The following CSMD1 variants were observed in gnomAD, a reference collection of about 807,000 sequenced individuals.
CSMD1 encodes the protein CUB and Sushi multiple domains 1.
Under a neutral mutation model 417.5 loss-of-function variants are expected in CSMD1, and 213 were observed. The ratio of observed to expected loss-of-function variants is 0.51; its 90% CI spans 0.46 to 0.57. The LOEUF (loss-of-function observed/expected upper bound fraction) is 0.57, where lower values mean the gene tolerates loss of function less well. Ranked by LOEUF, CSMD1 falls within the 20% of genes least tolerant of loss-of-function variation. The pLI is 0.00. For synonymous variants in CSMD1, 2,862 were observed against 1,736.8 expected (o/e 1.65, Z -16.11); for missense variants, 6,923 against 4,529.7 (o/e 1.53, Z -15.17).
intron 26 of CSMD1, among the ~76,000 whole-genome samples, chr8:3,248,036 G>A (rs949834697): frequency 3.3e-5 from 5 of 152,096 alleles, no homozygotes; most frequent in African/African-American, 1.2e-4. Context: ...ACTCAAGCAT[G>A]AACAACACCG....
rs574773160 is a variant in CSMD1, at chr8:4,868,083, G to A, written c.85+126249C>T. Reference sequence around the variant, plus strand: ...CTTTGTCTCTTATTTACTGGAAAAAGCAATTTAAAACGACCTCTCACCAAA... The same window carrying A: ...CTTTGTCTCTTATTTACTGGAAAAAACAATTTAAAACGACCTCTCACCAAA... On this transcript the variant is annotated intron_variant, in intron 1 of 69. Transcript: ENST00000635120. Among the ~76,000 whole-genome samples, 102 of 152,086 alleles carry A rather than the reference G, an allele frequency of 6.7e-4. 3 individuals are homozygous for A. Among genetic ancestry groups the A allele is most frequent in the African/African-American group, 2.3e-3 (97 of 41,418 alleles).
intron 9 of CSMD1, among the ~76,000 whole-genome samples, chr8:3,577,332 C>T (rs1181113232): frequency 6.6e-6 from 1 of 152,224 alleles, no homozygotes; most frequent in Non-Finnish European, 1.5e-5. Context: ...TACCAAGTTT[C>T]ACACAAAGCA....
chr8:4,665,501 C>T (rs1374915214), intron 1 of CSMD1, among the ~76,000 whole-genome samples: 2 of 152,208 alleles, frequency 1.3e-5, no homozygotes, highest in Non-Finnish European at 2.9e-5. Context: ...GATCCTCTTG[C>T]TCCTCTGTGG....
intron 5 of CSMD1, among the ~76,000 whole-genome samples, chr8:3,951,677 T>G (rs570502782): frequency 7.9e-5 from 12 of 152,258 alleles, no homozygotes; most frequent in South Asian, 6.2e-4. Context: ...AAATAAACAT[T>G]TGCAGATATT....
chr8:3,993,343 T>A, intron 5 of CSMD1, among the ~76,000 whole-genome samples: 1 of 152,192 alleles, frequency 6.6e-6, no homozygotes, highest in East Asian at 1.9e-4. Context: ...ACTCAGCATG[T>A]TCCTCTATAA....
intron 6 of CSMD1, among the ~76,000 whole-genome samples, chr8:3,729,372 C>T (rs981863918): frequency 6.6e-6 from 1 of 152,192 alleles, no homozygotes; most frequent in Admixed American, 6.5e-5. Flanking sequence ...ACTCACTCGC[C>T]TTGGGCTCAG....
intron 12 of CSMD1, among the ~76,000 whole-genome samples, chr8:3,415,037 C>A (rs574212177): frequency 2.0e-5 from 3 of 152,292 alleles, no homozygotes; most frequent in Admixed American, 6.5e-5. Context: ...TCAGAGTCAA[C>A]ACACAACAGA....
chr8:3,830,743 A>C (rs1802330098), intron 5 of CSMD1, among the ~76,000 whole-genome samples: 1 of 152,198 alleles, frequency 6.6e-6, no homozygotes, highest in African/African-American at 2.4e-5. Context: ...AAATATAATA[A>C]TTATTCAAAA....
chr8:3,381,433 T>C (rs1180744664), intron 18 of CSMD1, among the ~76,000 whole-genome samples: 1 of 152,202 alleles, frequency 6.6e-6, no homozygotes, highest in Non-Finnish European at 1.5e-5. Flanking sequence ...ATTGATACAA[T>C]TAACTTATTC....
At chr8:4,960,332 A>T (rs1809394325) in intron 1 of CSMD1, among the ~76,000 whole-genome samples, 1 of 152,196 alleles carries the variant, frequency 6.6e-6, no homozygotes, top group African/African-American at 2.4e-5. Flanking sequence ...TAATGTTCTG[A>T]CATCTTACTT....
chr8:3,916,663 T>C (rs1808850699), intron 5 of CSMD1, among the ~76,000 whole-genome samples: 1 of 152,192 alleles, frequency 6.6e-6, no homozygotes, highest in Admixed American at 6.5e-5. Context: ...CCCGGATGTA[T>C]TCATCACCTG....
intron 5 of CSMD1, among the ~76,000 whole-genome samples, chr8:3,760,051 G>A (rs1019818578): frequency 6.6e-6 from 1 of 152,122 alleles, no homozygotes. Context: ...ATCAAACGGA[G>A]CTTGCCAGGT....
intron 7 of CSMD1, among the ~76,000 whole-genome samples, chr8:3,679,869 G>C (rs867877151): frequency 6.6e-5 from 10 of 152,194 alleles, no homozygotes; most frequent in Middle Eastern, 3.4e-3. Flanking sequence ...CAAGAACTCA[G>C]GATTAAGAAA....
chr8:3,571,209 T>C (rs1234475168), intron 10 of CSMD1, among the ~76,000 whole-genome samples: 3 of 152,174 alleles, frequency 2.0e-5, no homozygotes, highest in Non-Finnish European at 4.4e-5. Flanking sequence ...ATATTCTGCT[T>C]TCTGCATGCT....
intron 7 of CSMD1, among the ~76,000 whole-genome samples, chr8:3,655,696 G>A (rs554115477): frequency 1.4e-5 from 2 of 144,482 alleles, no homozygotes; most frequent in East Asian, 2.1e-4. Flanking sequence ...TTCCACTGCT[G>A]TATATCCACC....
intron 1 of CSMD1, among the ~76,000 whole-genome samples, chr8:4,857,228 G>C (rs1026440177): frequency 6.7e-6 from 1 of 148,714 alleles, no homozygotes; most frequent in African/African-American, 2.5e-5. Context: ...CGAGAACAAA[G>C]ACACAACATA....
intron 2 of CSMD1, among the ~76,000 whole-genome samples, chr8:4,434,577 G>A (rs778786183): frequency 1.3e-5 from 2 of 152,160 alleles, no homozygotes; most frequent in Non-Finnish European, 2.9e-5. Flanking sequence ...GGAGGAGGAA[G>A]TTCATGTTAC....
Position 4,529,943 on chromosome 8 carries a change from C to G in CSMD1, c.302+107399G>C, listed in dbSNP as rs530521379. Among the ~76,000 whole-genome samples the G allele has an allele frequency of 1.0e-3, 151 of 150,700 alleles. 1 individual carries two copies. The highest frequency in any genetic ancestry group is 3.5e-3 in the African/African-American group (145 of 40,984). The stretch of plus-strand genomic sequence containing the variant: ...TTTGTTTGTCTGTTTGAGACCGAGT[C>G]TCGATTTGTCACCCAGGCTGGAGTG... On this transcript the variant is annotated intron_variant, in intron 2 of 69. Transcript: ENST00000635120.
intron 1 of CSMD1, among the ~76,000 whole-genome samples, chr8:4,950,322 A>G (rs1241200033): frequency 6.6e-6 from 1 of 152,100 alleles, no homozygotes; most frequent in East Asian, 1.9e-4. Flanking sequence ...CTCAAGTGAC[A>G]TTTGCAGTTG....
Sources: allele counts gnomAD v4.1 joint callset (sites outside exome capture counted in the v4.1 genomes callset), GRCh38; gene constraint gnomAD v4.1.1; transcripts MANE v1.5; gene names NCBI Gene and HGNC (gene_info 2026-07-23, HGNC 2026-07-21).